The following TRPM3 variants were observed in gnomAD, a reference collection of about 807,000 sequenced individuals.
The protein encoded by TRPM3 is transient receptor potential cation channel subfamily M member 3, also known as long transient receptor potential channel 3.
A neutral mutation model predicts 181.2 loss-of-function variants in TRPM3; 77 were observed. The observed-to-expected ratio is 0.42, with a 90% CI of 0.35 to 0.51. TRPM3 has a LOEUF of 0.51. Ranked by LOEUF, TRPM3 falls within the 20% of genes least tolerant of loss-of-function variation. TRPM3 has a pLI of 0.01. For synonymous variants in TRPM3, 745 were observed against 796.4 expected (o/e 0.94, Z 1.09); for missense variants, 1,759 against 2,196.7 (o/e 0.80, Z 3.98).
chr9:71,364,152 A>C (rs1201355363), intron 1 of TRPM3, among the ~76,000 whole-genome samples: 1 of 152,182 alleles, frequency 6.6e-6, no homozygotes, highest in South Asian at 2.1e-4. Flanking sequence ...AATAAAAAGC[A>C]GAGCATACGA....
At chr9:70,830,184 T>C (rs1373927035) in intron 5 of TRPM3, among the ~76,000 whole-genome samples, 1 of 152,206 alleles carries the variant, frequency 6.6e-6, no homozygotes, top group Non-Finnish European at 1.5e-5. Context: ...CGTAAGCCCA[T>C]GTTTTTTAAT....
intron 1 of TRPM3, among the ~76,000 whole-genome samples, chr9:70,935,334 C>T (rs1275227884): frequency 6.6e-6 from 1 of 152,190 alleles, no homozygotes; most frequent in Non-Finnish European, 1.5e-5. Flanking sequence ...ACCCAATTCA[C>T]TCTTGGAAGC....
chr9:70,862,855 G>A, intron 3 of TRPM3, 53 bp downstream of exon 3: 2 of 1,578,834 alleles, frequency 1.3e-6, no homozygotes, highest in East Asian at 4.5e-5. Context: ...CCCCTTTGCA[G>A]GACTTGAGAC....
intron 1 of TRPM3, among the ~76,000 whole-genome samples, chr9:70,882,999 A>C (rs1340938931): frequency 6.6e-6 from 1 of 152,254 alleles, no homozygotes; most frequent in Non-Finnish European, 1.5e-5. Flanking sequence ...CATTCTGAAC[A>C]TATGTGTTTC....
At chr9:70,790,754 G>A (rs983532207) in intron 6 of TRPM3, among the ~76,000 whole-genome samples, 4 of 152,118 alleles carry the variant, frequency 2.6e-5, no homozygotes, top group Admixed American at 6.5e-5. Context: ...TCTGATAATC[G>A]GTTGTGCCTG....
At chr9:71,356,329 A>AC (rs956014071) in intron 1 of TRPM3, among the ~76,000 whole-genome samples, 7 of 150,396 alleles carry the variant, frequency 4.7e-5, no homozygotes, top group Admixed American at 6.7e-5. Flanking sequence ...TATTCTTTCC[A>AC]CCCCCCAATA....
chr9:71,365,472 T>G (rs986558657), intron 1 of TRPM3, among the ~76,000 whole-genome samples: 12 of 152,292 alleles, frequency 7.9e-5, no homozygotes, highest in African/African-American at 2.9e-4. Flanking sequence ...TTCTGAAAGT[T>G]CCCCAAATAT....
intron 1 of TRPM3, among the ~76,000 whole-genome samples, chr9:70,938,996 A>T (rs201328553): frequency 6.8e-6 from 1 of 146,234 alleles, no homozygotes; most frequent in Non-Finnish European, 1.6e-5. Context: ...AAAATAAAAA[A>T]AAAACATTCA....
chr9:71,284,317 CATCCAG>C (rs1229135275), intron 1 of TRPM3, among the ~76,000 whole-genome samples: 1 of 152,194 alleles, frequency 6.6e-6, no homozygotes. Flanking sequence ...TCAGGATAAT[CATCCAG>C]AGTTTTTAAT....
In TRPM3 at chr9:70,756,245, A is replaced by C. The variant is rs571281492; in HGVS notation, c.1272+5356T>G. On this transcript the variant is annotated intron_variant, in intron 8 of 25. Transcript: ENST00000677713. ...CCAACCGAGACCGAAAAAACAAAGA[A>C]GGGCATTACATAATGGTAAAGGGAT... is the stretch of plus-strand genomic sequence containing the variant. Among the ~76,000 whole-genome samples the C allele has an allele frequency of 2.0e-5, 3 of 152,284 alleles. No individual in the cohort carries two copies. The South Asian group carries it at 6.2e-4, about 32-fold the overall frequency.
intron 1 of TRPM3, among the ~76,000 whole-genome samples, chr9:71,220,361 T>C (rs1388472129): frequency 6.8e-6 from 1 of 146,544 alleles, no homozygotes; most frequent in Non-Finnish European, 1.5e-5. Context: ...TCTGATTTAT[T>C]ATTATTATTA....
chr9:71,178,646 G>C (rs1190931690), intron 1 of TRPM3, among the ~76,000 whole-genome samples: 1 of 152,094 alleles, frequency 6.6e-6, no homozygotes, highest in Non-Finnish European at 1.5e-5. Context: ...CTAGTAGTTA[G>C]AAGATATTTA....
At chr9:70,834,001 A>T (rs969493524) in intron 5 of TRPM3, among the ~76,000 whole-genome samples, 10 of 152,166 alleles carry the variant, frequency 6.6e-5, no homozygotes, top group Non-Finnish European at 1.3e-4. Context: ...AAAAAAAGAA[A>T]GGATCTGTGG....
At chr9:71,315,257 A>G (rs921223170) in intron 1 of TRPM3, among the ~76,000 whole-genome samples, 2 of 152,154 alleles carry the variant, frequency 1.3e-5, no homozygotes, top group African/African-American at 4.8e-5. Context: ...GGGTGGGGTA[A>G]AAGAATTACA....
At position 70,881,508 on chromosome 9, in the gene TRPM3, C is replaced by T. The variant is rs1213075353; in HGVS notation, c.178-16997G>A. On this transcript the variant is annotated intron_variant, in intron 1 of 25. Coordinates refer to ENST00000677713, the MANE Select transcript of TRPM3 (RefSeq NM_001366145.2). ...ACCAGGCAGGCTGATTATGACTTAACGCATTGTTTCAATGTGATTTTGCAA... is the reference window on the plus strand; with the variant it reads ...ACCAGGCAGGCTGATTATGACTTAATGCATTGTTTCAATGTGATTTTGCAA... 3.9e-5 allele frequency among the ~76,000 whole-genome samples: 6 copies of T among 152,160 alleles called. No homozygotes were observed. In the East Asian group the frequency reaches 9.6e-4, roughly 24 times the overall value.
chr9:71,108,119 C>T (rs2070151479), intron 1 of TRPM3, among the ~76,000 whole-genome samples: 1 of 152,202 alleles, frequency 6.6e-6, no homozygotes, highest in Non-Finnish European at 1.5e-5. Flanking sequence ...GGAGAGTCTA[C>T]TACTTATTCC....
At chr9:70,787,788 CTTTTT>C (rs2084195940) in intron 6 of TRPM3, among the ~76,000 whole-genome samples, 2 of 42,532 alleles carry the variant, frequency 4.7e-5, no homozygotes, top group Admixed American at 2.5e-4. Context: ...TTTTTTTTTG[CTTTTT>C]ATTTTTTTAT....
chr9:70,741,605 G>A lies in TRPM3; in HGVS notation c.1272+19996C>T, dbSNP rs1186404929. ...CAATCAACAAGTGGACAAAGAAATC[G>A]TGGTATATGTATATATATCACAGAA... On this transcript the variant is annotated intron_variant, in intron 8 of 25. Transcript: ENST00000677713. 3.9e-5 allele frequency among the ~76,000 whole-genome samples: 6 copies of A among 152,082 alleles called. No individual in the cohort carries two copies. The East Asian group carries it at 5.8e-4, about 15-fold the overall frequency.
chr9:71,039,601 A>G (rs2058599679), intron 1 of TRPM3, among the ~76,000 whole-genome samples: 1 of 152,160 alleles, frequency 6.6e-6, no homozygotes, highest in Admixed American at 6.6e-5. Context: ...GGCCATCAAC[A>G]TGGTCAACTC....
Sources: gnomAD v4.1 joint callset for allele counts (sites outside exome capture counted in the v4.1 genomes callset) on GRCh38, gnomAD v4.1.1 for gene constraint, MANE v1.5 for transcripts, NCBI Gene and HGNC (gene_info 2026-07-23, HGNC 2026-07-21) for gene names.